Variants in OLFM4 observed in about 807,000 individuals in gnomAD.
The protein encoded by OLFM4 is olfactomedin-4.
In OLFM4, 22 loss-of-function variants were observed where a neutral mutation model predicts 25.5. The ratio of observed to expected loss-of-function variants is 0.86; its 90% CI spans 0.62 to 1.23. The LOEUF is 1.23. OLFM4 is among the 50% of genes most tolerant of loss of function. OLFM4 has a pLI of 0.00. For synonymous variants in OLFM4, 255 were observed against 237.7 expected (o/e 1.07, Z -0.67); for missense variants, 594 against 619.4 (o/e 0.96, Z 0.44).
Position 53,028,867 on chromosome 13 carries a change from C to T in OLFM4, c.31C>T (p.Leu11Phe). The T allele has an allele frequency of 1.2e-6, 2 of 1,614,236 alleles. No individual in the cohort carries two copies. Among genetic ancestry groups the T allele is most frequent in the African/African-American group, 1.3e-5 (1 of 75,064 alleles). Residue 11 changes from leucine to phenylalanine, a missense_variant, in exon 1 of 5, where the codon CTT becomes TTT. Transcript: ENST00000219022. Reference protein sequence around the residue: MRPGLSFLLALLFFLGQAAGD... With the variant: MRPGLSFLLAFLFFLGQAAGD... ...GCCCGGCCTCTCATTTCTCCTAGCCCTTCTGTTCTTCCTTGGCCAAGCTGC... is the reference window on the plus strand; with the variant it reads ...GCCCGGCCTCTCATTTCTCCTAGCCTTTCTGTTCTTCCTTGGCCAAGCTGC...
chr13:53,037,358 A>G (rs756276627), intron 2 of OLFM4, among the ~76,000 whole-genome samples: 2 of 152,162 alleles, frequency 1.3e-5, no homozygotes, highest in East Asian at 1.9e-4. Context: ...AATATGACAC[A>G]TTTGCTAGTA....
At chr13:53,034,965 T>C (rs184278192) in intron 2 of OLFM4, among the ~76,000 whole-genome samples, 300 of 152,324 alleles carry the variant, frequency 2.0e-3, no homozygotes, top group Admixed American at 3.5e-3. Flanking sequence ...TCCTTTAGTT[T>C]CTTATTTCTC....
In OLFM4 at chr13:53,031,416, A is replaced by C. The variant is rs562508686; in HGVS notation, c.204+2376A>C. Among the ~76,000 whole-genome samples the C allele has an allele frequency of 1.4e-4, 21 of 152,342 alleles. No individual in the cohort carries two copies. In the South Asian group the frequency reaches 2.3e-3, roughly 17 times the overall value. ...TGCTGACACTTAGCCTTGGCTACTA[A>C]TTAGAGCCAGTTGCAACATTAAATC... On this transcript the variant is annotated intron_variant, in intron 1 of 4. Transcript: ENST00000219022.
rs1199455750 is a variant in OLFM4, at chr13:53,042,051, G to A, written c.499G>A (p.Glu167Lys). 1 of 1,614,064 alleles carries A rather than the reference G, an allele frequency of 6.2e-7. No individual in the cohort carries two copies. Among genetic ancestry groups the A allele is most frequent in the East Asian group, 2.2e-5 (1 of 44,862 alleles). The change falls in exon 3 of 5, where the codon GAA (glutamate) becomes AAA (lysine). Residue 167 changes from glutamate (E) to lysine (K), a missense_variant. Glu to Lys is a moderately conservative substitution (Grantham distance 56, BLOSUM62 1). Transcript: ENST00000219022. ...GATCAAGGTAGAAGTGAAGGAGATG[G>A]AAAAACTGGTCATACAGCTGAAGGA... ...ELIKVEVKEM[E>K]KLVIQLKESF... is the part of the protein sequence containing the mutation.
Position 53,050,756 on chromosome 13 carries a change from G to T in OLFM4, c.1518G>T (p.Leu506Phe), listed in dbSNP as rs771673228. The T allele has an allele frequency of 5.0e-6, 8 of 1,595,558 alleles. No individual in the cohort carries two copies. The Admixed American group carries it at 7.0e-5, about 14-fold the overall frequency. The change falls in exon 5 of 5, where the codon TTG becomes TTT. Residue 506 changes from leucine to phenylalanine, a missense_variant. Physicochemically the swap from Leu to Phe is conservative, Grantham distance 22. Coordinates refer to ENST00000219022, the MANE Select transcript of OLFM4 (RefSeq NM_006418.5). ...GYLLNYDLSVLQKPQ is the reference protein window; with the variant it reads ...GYLLNYDLSVFQKPQ ...TTCTGAATTATGATCTTTCTGTCTT[G>T]CAGAAGCCCCAGTAAGCTGTTTAGG...
chr13:53,040,769 G>A (rs1301184805), intron 2 of OLFM4, among the ~76,000 whole-genome samples: 1 of 152,186 alleles, frequency 6.6e-6, no homozygotes, highest in Non-Finnish European at 1.5e-5. Flanking sequence ...AACAATTAGA[G>A]TAAGTGTGTT....
intron 2 of OLFM4, among the ~76,000 whole-genome samples, chr13:53,040,567 G>C (rs188913877): frequency 6.6e-6 from 1 of 152,220 alleles, no homozygotes; most frequent in African/African-American, 2.4e-5. Context: ...GGTGTTGGCC[G>C]TGGCAACGAT....
chr13:53,047,863 T>G (rs1393141840), intron 4 of OLFM4, among the ~76,000 whole-genome samples: 1 of 152,180 alleles, frequency 6.6e-6, no homozygotes, highest in Non-Finnish European at 1.5e-5. Context: ...AGTGCTTGAA[T>G]AAGTTATATG....
intron 4 of OLFM4, among the ~76,000 whole-genome samples, chr13:53,044,620 C>T (rs572070730): frequency 6.6e-6 from 1 of 152,146 alleles, no homozygotes; most frequent in Non-Finnish European, 1.5e-5. Context: ...TAGAATCCTG[C>T]CCCAGAATGA....
rs371811029 is a variant in OLFM4, at chr13:53,050,569, G to T, written c.1331G>T (p.Arg444Leu). Residue 444 changes from arginine to leucine, a missense_variant, in exon 5 of 5, where the codon CGT becomes CTT. By Grantham distance (102) the Arg-to-Leu change is moderately radical. Coordinates refer to ENST00000219022, the MANE Select transcript of OLFM4 (RefSeq NM_006418.5). ...GTATGTGGGGTTCTGTATGCCACCC[G>T]TACTATGAACACCAGAACAGAAGAG... ...FMVCGVLYAT[R>L]TMNTRTEEIF... is the part of the protein sequence containing the mutation. 1 of 1,613,906 alleles carries T rather than the reference G, an allele frequency of 6.2e-7. No individual in the cohort carries two copies. Among genetic ancestry groups the T allele is most frequent in the East Asian group, 2.2e-5 (1 of 44,860 alleles).
At chr13:53,030,018 A>C (rs1184441810) in intron 1 of OLFM4, among the ~76,000 whole-genome samples, 4 of 152,130 alleles carry the variant, frequency 2.6e-5, no homozygotes, top group Non-Finnish European at 5.9e-5. Context: ...GGGGAGTCTT[A>C]TCTGGGCCAA....
At chr13:53,032,537 C>G (rs1349855468) in intron 1 of OLFM4, among the ~76,000 whole-genome samples, 1 of 152,102 alleles carries the variant, frequency 6.6e-6, no homozygotes, top group Non-Finnish European at 1.5e-5. Context: ...CTTTATTCAT[C>G]TCTGGCAAAG....
Position 53,050,324 on chromosome 13 carries a change from A to G in OLFM4, c.1086A>G (p.Gln362=), listed in dbSNP as rs376131936. The G allele has an allele frequency of 6.2e-7, 1 of 1,614,088 alleles. No individual in the cohort carries two copies. ...NLTTNTIAVT[Q]TLPNAAYNNR... ...CCACCAACACGATTGCTGTGACTCA[A>G]ACTCTCCCTAATGCTGCCTATAATA... The change falls in exon 5 of 5, where the codon CAA becomes CAG. Residue 362 remains glutamine (Q), a synonymous_variant. Coordinates refer to ENST00000219022, the MANE Select transcript of OLFM4 (RefSeq NM_006418.5).
At chr13:53,040,885 AC>A (rs2138236836) in intron 2 of OLFM4, among the ~76,000 whole-genome samples, 2 of 152,304 alleles carry the variant, frequency 1.3e-5, no homozygotes, top group East Asian at 3.9e-4. Context: ...GCTCAATATC[AC>A]TTGATCATTA....
intron 4 of OLFM4, among the ~76,000 whole-genome samples, chr13:53,049,206 ACT>A (rs1416677162): frequency 6.6e-6 from 1 of 152,016 alleles, no homozygotes; most frequent in African/African-American, 2.4e-5. Flanking sequence ...TCACCATGTA[ACT>A]CTGCAGCAGG....
intron 2 of OLFM4, among the ~76,000 whole-genome samples, chr13:53,035,405 T>G (rs151228076): frequency 1.3e-5 from 2 of 152,300 alleles, no homozygotes; most frequent in South Asian, 2.1e-4. Context: ...AATAATCACA[T>G]CATGGAAAAT....
Position 53,029,042 on chromosome 13 carries a change from T to G in OLFM4, c.204+2T>G. The G allele has an allele frequency of 1.2e-6, 2 of 1,613,940 alleles. No individual in the cohort carries two copies. The highest frequency in any genetic ancestry group is 1.7e-6 in the Non-Finnish European group (2 of 1,180,020). On this transcript the variant is annotated splice_donor_variant, in intron 1 of 4. Coordinates refer to ENST00000219022, the MANE Select transcript of OLFM4 (RefSeq NM_006418.5). LOFTEE classifies it high-confidence loss of function. ...GGCAGCGGAGGTTCTGTGTCCCAGG[T>G]GAGGAGGCCCCAGAATCTGAATGAG...
At chr13:53,046,986 A>G (rs898941113) in intron 4 of OLFM4, among the ~76,000 whole-genome samples, 1 of 152,202 alleles carries the variant, frequency 6.6e-6, no homozygotes, top group South Asian at 2.1e-4. Flanking sequence ...AGAAAATTCC[A>G]ACAACTCACC....
chr13:53,044,879 C>T (rs1014271784), intron 4 of OLFM4, among the ~76,000 whole-genome samples: 1 of 152,108 alleles, frequency 6.6e-6, no homozygotes, highest in Admixed American at 6.5e-5. Flanking sequence ...GAACGAGCTC[C>T]CCAACACCCC....
Sources: allele counts gnomAD v4.1 joint callset (sites outside exome capture counted in the v4.1 genomes callset), GRCh38; gene constraint gnomAD v4.1.1; transcripts MANE v1.5; gene names NCBI Gene and HGNC (gene_info 2026-07-23, HGNC 2026-07-21).